ADAMTSL1: variants seen among roughly 807,000 people sequenced by gnomAD.
ADAMTSL1 encodes ADAMTS like 1.
A neutral mutation model predicts 201.8 loss-of-function variants in ADAMTSL1; 126 were observed. The ratio of observed to expected loss-of-function variants is 0.62; its 90% CI spans 0.54 to 0.72. ADAMTSL1 has a LOEUF of 0.72. ADAMTSL1 is among the 30% of genes least tolerant of loss of function. The pLI, the probability that ADAMTSL1 is intolerant of heterozygous loss-of-function variation, is 0.00. For missense variants in ADAMTSL1, 2,679 were observed against 2,277.8 expected, an observed-to-expected ratio of 1.18 and a Z score of -3.59; for synonymous variants, 1,121 against 903.4, an observed-to-expected ratio of 1.24 and a Z score of -4.32.
intron 2 of ADAMTSL1, among the ~76,000 whole-genome samples, chr9:18,272,698 C>G (rs1436481060): frequency 1.3e-5 from 2 of 152,168 alleles, no homozygotes; most frequent in African/African-American, 4.8e-5. Flanking sequence ...CTACCTACCA[C>G]TTCACAGAAA....
At position 18,521,258 on chromosome 9, in the gene ADAMTSL1, G is replaced by A. The variant is rs550041242; in HGVS notation, c.192-11989G>A. Among the ~76,000 whole-genome samples the A allele has an allele frequency of 1.7e-3, 263 of 152,134 alleles. 1 individual carries two copies. Among genetic ancestry groups the A allele is most frequent in the African/African-American group, 6.0e-3 (251 of 41,488 alleles). On this transcript the variant is annotated intron_variant, in intron 2 of 28. Transcript: ENST00000380548. The stretch of plus-strand genomic sequence containing the variant: ...GGTACAGGGTTATCTGGAAGCATGT[G>A]GCAGAGAGGAGGGGCCTCAAAGTAC...
At position 18,681,699 on chromosome 9, in the gene ADAMTSL1, G is replaced by GTGGCGGC. The variant is rs1444339305; in HGVS notation, c.1342-113_1342-112insTGGCGGC. 7.2e-4 allele frequency: 208 copies of GTGGCGGC among 287,626 alleles called. 7 individuals are homozygous for GTGGCGGC. The highest frequency in any genetic ancestry group is 3.1e-3 in the Middle Eastern group (3 of 972). The allele number at this position is 287,626 out of a possible 1,614,324, so 17.8% of individuals were successfully genotyped here. A position where few individuals can be genotyped will look rare whatever the true frequency, so the allele number is the denominator to read the frequency against. ...TAAATTTACCAGGAGTCCTCGTGTGGGGGGGGGGGGCGGGGAAAAAGAAAA... is the reference window on the plus strand; with the variant it reads ...TAAATTTACCAGGAGTCCTCGTGTGGTGGCGGCGGGGGGGGGGCGGGGAAAAAGAAAA... On this transcript the variant is annotated intron_variant, in intron 11 of 28. Coordinates refer to ENST00000380548, the MANE Select transcript of ADAMTSL1 (RefSeq NM_001040272.6).
At chr9:18,143,990 A>G (rs1239031693) in intron 1 of ADAMTSL1, among the ~76,000 whole-genome samples, 1 of 152,164 alleles carries the variant, frequency 6.6e-6, no homozygotes, top group Non-Finnish European at 1.5e-5. Context: ...ACAACTGAGT[A>G]AAACGTTGCC....
At chr9:18,133,387 G>A (rs556431172) in intron 1 of ADAMTSL1, among the ~76,000 whole-genome samples, 1 of 152,040 alleles carries the variant, frequency 6.6e-6, no homozygotes, top group African/African-American at 2.4e-5. Context: ...TAACAATAAC[G>A]ACCAGCATTA....
intron 2 of ADAMTSL1, among the ~76,000 whole-genome samples, chr9:18,196,530 A>G (rs940084286): frequency 6.6e-6 from 1 of 152,142 alleles, no homozygotes; most frequent in Non-Finnish European, 1.5e-5. Context: ...GCAGGGATGC[A>G]GAGAGCCTGA....
chr9:18,417,571 GT>G (rs796316886), intron 2 of ADAMTSL1, among the ~76,000 whole-genome samples: 80 of 152,154 alleles, frequency 5.3e-4, no homozygotes, highest in African/African-American at 1.7e-3. Context: ...ATTACAGACT[GT>G]GTAGAAATTA....
At chr9:18,085,282 A>G (rs1237772407) in intron 1 of ADAMTSL1, among the ~76,000 whole-genome samples, 2 of 152,112 alleles carry the variant, frequency 1.3e-5, no homozygotes, top group African/African-American at 4.8e-5. Flanking sequence ...GCCACTTACC[A>G]GCTGTGCGAT....
At chr9:18,269,969 T>TA (rs1832293581) in intron 2 of ADAMTSL1, among the ~76,000 whole-genome samples, 1 of 152,120 alleles carries the variant, frequency 6.6e-6, no homozygotes, top group African/African-American at 2.4e-5. Context: ...ACAGCAATTT[T>TA]TGGAAGGTTT....
intron 2 of ADAMTSL1, among the ~76,000 whole-genome samples, chr9:18,360,085 G>C (rs1340559524): frequency 6.6e-6 from 1 of 152,066 alleles, no homozygotes; most frequent in Non-Finnish European, 1.5e-5. Flanking sequence ...GTTGCTCACA[G>C]TGAGGGGAAG....
intron 2 of ADAMTSL1, among the ~76,000 whole-genome samples, chr9:18,434,942 A>G (rs1019476322): frequency 6.6e-6 from 1 of 152,208 alleles, no homozygotes; most frequent in African/African-American, 2.4e-5. Flanking sequence ...AACTCCATGA[A>G]GACAGGGACC....
At chr9:18,103,736 C>T (rs1283848962) in intron 1 of ADAMTSL1, among the ~76,000 whole-genome samples, 3 of 152,174 alleles carry the variant, frequency 2.0e-5, no homozygotes, top group African/African-American at 7.2e-5. Flanking sequence ...AAATTTAGAT[C>T]TTTCAACCTA....
intron 2 of ADAMTSL1, among the ~76,000 whole-genome samples, chr9:18,363,241 C>T (rs369719728): frequency 6.6e-6 from 1 of 152,204 alleles, no homozygotes; most frequent in African/African-American, 2.4e-5. Context: ...ACCACTCCCA[C>T]CAGCTAACCT....
intron 2 of ADAMTSL1, among the ~76,000 whole-genome samples, chr9:18,294,079 T>G (rs1410625769): frequency 1.3e-5 from 2 of 152,204 alleles, no homozygotes; most frequent in East Asian, 3.8e-4. Flanking sequence ...GCTGAGGTTT[T>G]CATTATAAAA....
chr9:18,127,639 G>A (rs1825794072), intron 1 of ADAMTSL1, among the ~76,000 whole-genome samples: 1 of 152,110 alleles, frequency 6.6e-6, no homozygotes, highest in Non-Finnish European at 1.5e-5. Context: ...GGCTGCATGT[G>A]GAAAGTTTTC....
intron 2 of ADAMTSL1, among the ~76,000 whole-genome samples, chr9:18,221,038 G>A (rs369264208): frequency 6.6e-6 from 1 of 152,086 alleles, no homozygotes; most frequent in Non-Finnish European, 1.5e-5. Flanking sequence ...GCCTCCCAAA[G>A]TTCGGGGATT....
At chr9:18,662,309 T>C (rs1274265467) in intron 9 of ADAMTSL1, among the ~76,000 whole-genome samples, 1 of 152,196 alleles carries the variant, frequency 6.6e-6, no homozygotes, top group African/African-American at 2.4e-5. Context: ...GCAGGTGACA[T>C]GCTCTTCAGA....
At chr9:18,806,966 A>G (rs966299522) in intron 20 of ADAMTSL1, among the ~76,000 whole-genome samples, 2 of 152,076 alleles carry the variant, frequency 1.3e-5, no homozygotes, top group African/African-American at 4.8e-5. Context: ...GTGAGGCTCT[A>G]TTTCCCCTGT....
intron 12 of ADAMTSL1, among the ~76,000 whole-genome samples, chr9:18,683,422 G>A (rs1163740696): frequency 3.3e-5 from 5 of 151,050 alleles, no homozygotes; most frequent in Non-Finnish European, 4.4e-5. Context: ...TGGTAGAGAC[G>A]GGGTTTCACC....
chr9:18,572,029 C>A (rs989193087), intron 3 of ADAMTSL1, among the ~76,000 whole-genome samples: 2 of 151,918 alleles, frequency 1.3e-5, no homozygotes, highest in African/African-American at 4.8e-5. Context: ...CCTGTCTCTA[C>A]TAAAAATATA....
Sources: gnomAD v4.1 joint callset for allele counts (sites outside exome capture counted in the v4.1 genomes callset) on GRCh38, gnomAD v4.1.1 for gene constraint, MANE v1.5 for transcripts, NCBI Gene and HGNC (gene_info 2026-07-23, HGNC 2026-07-21) for gene names.